The following TRPC4 variants were observed in gnomAD, a reference collection of about 807,000 sequenced individuals.
TRPC4 encodes transient receptor potential cation channel subfamily C member 4, also known as short transient receptor potential channel 4.
In TRPC4, 49 loss-of-function variants were observed where a neutral mutation model predicts 99.4. The observed-to-expected ratio is 0.49, with a 90% CI of 0.39 to 0.63. The LOEUF (loss-of-function observed/expected upper bound fraction) is 0.63, where lower values mean the gene tolerates loss of function less well. Ranked by LOEUF, TRPC4 falls within the 20% of genes least tolerant of loss-of-function variation. The pLI is 0.00. For missense variants in TRPC4, 898 were observed against 1,152.9 expected, an observed-to-expected ratio of 0.78 and a Z score of 3.20; for synonymous variants, 454 against 425.9, an observed-to-expected ratio of 1.07 and a Z score of -0.81.
At chr13:37,835,218 T>C (rs141746691) in intron 1 of TRPC4, among the ~76,000 whole-genome samples, 112 of 152,324 alleles carry the variant, frequency 7.4e-4, no homozygotes, top group African/African-American at 2.5e-3. Context: ...TGTTTCATTC[T>C]CTTCGGTGGC....
intron 1 of TRPC4, among the ~76,000 whole-genome samples, chr13:37,826,545 C>T (rs1299536173): frequency 1.3e-5 from 2 of 150,754 alleles, no homozygotes; most frequent in East Asian, 3.9e-4. Context: ...CTTAGTTTGG[C>T]TGGATATGAA....
At chr13:37,663,934 C>T (rs568937394) in intron 5 of TRPC4, among the ~76,000 whole-genome samples, 1 of 152,274 alleles carries the variant, frequency 6.6e-6, no homozygotes, top group African/African-American at 2.4e-5. Flanking sequence ...TGGTCTGTTG[C>T]TATGGAAACA....
chr13:37,679,897 C>T (rs940344248), intron 4 of TRPC4, among the ~76,000 whole-genome samples: 6 of 152,198 alleles, frequency 3.9e-5, no homozygotes, highest in South Asian at 2.1e-4. Context: ...ATATCCAGTG[C>T]GAAAAAATGC....
intron 3 of TRPC4, among the ~76,000 whole-genome samples, chr13:37,733,682 T>C (rs1955308900): frequency 6.6e-6 from 1 of 152,126 alleles, no homozygotes; most frequent in Non-Finnish European, 1.5e-5. Context: ...CTAGTCTTTG[T>C]GTTTTTTCCT....
chr13:37,665,004 A>G (rs570920394), intron 5 of TRPC4, among the ~76,000 whole-genome samples: 4 of 152,206 alleles, frequency 2.6e-5, no homozygotes, highest in Non-Finnish European at 5.9e-5. Context: ...ATGTTCTTGA[A>G]CATTCCCACA....
intron 3 of TRPC4, among the ~76,000 whole-genome samples, chr13:37,709,646 T>A (rs899762762): frequency 6.6e-6 from 1 of 152,002 alleles, no homozygotes; most frequent in Non-Finnish European, 1.5e-5. Flanking sequence ...CCAGTGGCTC[T>A]CATTCTGAAA....
At chr13:37,800,581 T>C (rs1316557863) in intron 1 of TRPC4, among the ~76,000 whole-genome samples, 1 of 152,102 alleles carries the variant, frequency 6.6e-6, no homozygotes, top group East Asian at 1.9e-4. Context: ...TTAATGAAAA[T>C]ATGAATGTAT....
At position 37,792,723 on chromosome 13, in the gene TRPC4, TTGTGTGTGTGTGTGTG is replaced by T. The variant is rs57918365; in HGVS notation, c.-27-9379_-27-9364del. Among the ~76,000 whole-genome samples the T allele has an allele frequency of 6.1e-5, 9 of 146,638 alleles. No homozygotes were observed. The East Asian group carries it at 1.0e-3, about 16-fold the overall frequency. On this transcript the variant is annotated intron_variant, in intron 1 of 10. Transcript: ENST00000379705. ...CGTAACTGACCTCTGGCTTCTAAAT[TTGTGTGTGTGTGTGTG>T]TGTGTGTGTGTGTGTGTGTGTACGT...
At chr13:37,811,295 A>G (rs1957678476) in intron 1 of TRPC4, among the ~76,000 whole-genome samples, 1 of 152,152 alleles carries the variant, frequency 6.6e-6, no homozygotes, top group Admixed American at 6.6e-5. Flanking sequence ...CTCCCACTTA[A>G]AATAACAAAA....
At chr13:37,766,216 A>G (rs1157981445) in intron 2 of TRPC4, among the ~76,000 whole-genome samples, 3 of 151,494 alleles carry the variant, frequency 2.0e-5, no homozygotes, top group African/African-American at 7.3e-5. Flanking sequence ...ACAATACATT[A>G]CAAGAGAATT....
At chr13:37,855,296 G>GATATATATATATAT (rs139637183) in intron 1 of TRPC4, among the ~76,000 whole-genome samples, 131 of 140,472 alleles carry the variant, frequency 9.3e-4, no homozygotes, top group Middle Eastern at 7.9e-3. Context: ...ATACAATGTA[G>GATATATATATATAT]ATATATATAT....
intron 1 of TRPC4, among the ~76,000 whole-genome samples, chr13:37,847,683 G>A (rs1426510827): frequency 1.3e-5 from 2 of 152,000 alleles, no homozygotes; most frequent in East Asian, 1.9e-4. Flanking sequence ...TATTTAAAAA[G>A]GGGAAGTGGA....
At chr13:37,842,541 A>G (rs1001657026) in intron 1 of TRPC4, among the ~76,000 whole-genome samples, 4 of 152,080 alleles carry the variant, frequency 2.6e-5, no homozygotes, top group Non-Finnish European at 5.9e-5. Flanking sequence ...TTTTTATCTC[A>G]TAGCTATGAA....
chr13:37,748,662 C>T (rs1471340734), intron 2 of TRPC4, among the ~76,000 whole-genome samples: 1 of 148,710 alleles, frequency 6.7e-6, no homozygotes, highest in Non-Finnish European at 1.5e-5. Context: ...TATGTCTCCA[C>T]CCAAATCTCA....
intron 3 of TRPC4, among the ~76,000 whole-genome samples, chr13:37,722,459 T>A (rs564136745): frequency 3.0e-4 from 46 of 152,334 alleles, no homozygotes; most frequent in Middle Eastern, 6.8e-3. Flanking sequence ...CTGGTAAACA[T>A]CCCTTATGAG....
intron 3 of TRPC4, among the ~76,000 whole-genome samples, chr13:37,728,649 C>G (rs1485257692): frequency 1.3e-5 from 2 of 152,098 alleles, no homozygotes; most frequent in South Asian, 2.1e-4. Context: ...ATACAAAGCC[C>G]AGTGATATTT....
At chr13:37,833,397 C>T (rs1023607752) in intron 1 of TRPC4, among the ~76,000 whole-genome samples, 7 of 152,146 alleles carry the variant, frequency 4.6e-5, no homozygotes, top group African/African-American at 9.7e-5. Flanking sequence ...AGTACCACAA[C>T]GACTTTCACA....
At chr13:37,662,408 C>T (rs575472745) in intron 6 of TRPC4, among the ~76,000 whole-genome samples, 118 of 151,974 alleles carry the variant, frequency 7.8e-4, no homozygotes, top group African/African-American at 2.8e-3. Flanking sequence ...AAATTATGTG[C>T]AAATAAAAAG....
Position 37,637,412 on chromosome 13 carries a change from C to CTGCTGA in TRPC4, c.2419_2424dup (p.Ser807_Ala808dup). 1 of 1,613,748 alleles carries CTGCTGA rather than the reference C, an allele frequency of 6.2e-7. No homozygotes were observed. Among genetic ancestry groups the CTGCTGA allele is most frequent in the African/African-American group, 1.3e-5 (1 of 74,988 alleles). ...ATGTTATGTCTTTCAGAGGCAATTG[C>CTGCTGA]TGCTGATCTCGGATGAATCAGGGTG... On this transcript the variant is annotated inframe_insertion, in exon 11 of 11. Transcript: ENST00000379705.
Sources: allele counts gnomAD v4.1 joint callset (sites outside exome capture counted in the v4.1 genomes callset), GRCh38; gene constraint gnomAD v4.1.1; transcripts MANE v1.5; gene names NCBI Gene and HGNC (gene_info 2026-07-23, HGNC 2026-07-21).